The following SYTL2 variants were observed in gnomAD, a reference collection of about 807,000 sequenced individuals.
SYTL2 encodes synaptotagmin-like protein 2.
SYTL2 carries 165 observed loss-of-function variants against 198.7 expected under a neutral mutation model. The observed-to-expected ratio is 0.83, with a 90% confidence interval of 0.73 to 0.94. The LOEUF is 0.94. SYTL2 is among the 40% of genes least tolerant of loss of function. The probability of loss-of-function intolerance (pLI) is 0.00; values close to 1 mark genes in which losing one functional copy is unlikely to be tolerated. For synonymous variants in SYTL2, 966 were observed against 917.7 expected (o/e 1.05, Z -0.95); for missense variants, 2,835 against 2,582.8 (o/e 1.10, Z -2.12).
At chr11:85,745,288 C>T (rs1050219401) in intron 4 of SYTL2, among the ~76,000 whole-genome samples, 1 of 152,158 alleles carries the variant, frequency 6.6e-6, no homozygotes, top group Non-Finnish European at 1.5e-5. Flanking sequence ...TTTATCTTTT[C>T]CCTGAAATGA....
At chr11:85,790,026 A>G (rs904187878) in intron 1 of SYTL2, among the ~76,000 whole-genome samples, 2 of 152,148 alleles carry the variant, frequency 1.3e-5, no homozygotes, top group Admixed American at 6.5e-5. Flanking sequence ...TATATATAAG[A>G]TATCTTGGGG....
chr11:85,729,553 A>C (rs958418789), intron 7 of SYTL2, among the ~76,000 whole-genome samples: 3 of 152,228 alleles, frequency 2.0e-5, no homozygotes, highest in Admixed American at 2.0e-4. Context: ...GAGAATAAAG[A>C]CACAGCATTC....
intron 18 of SYTL2, among the ~76,000 whole-genome samples, chr11:85,696,869 G>C (rs1343037716): frequency 6.6e-6 from 1 of 152,102 alleles, no homozygotes; most frequent in Non-Finnish European, 1.5e-5. Context: ...GTGTTATACA[G>C]AATAGAAAAA....
chr11:85,725,664 AC>A lies in SYTL2; in HGVS notation c.3693del (p.Lys1231AsnfsTer23). On this transcript the variant is annotated frameshift_variant, in exon 8 of 20. Transcript: ENST00000359152. LOFTEE classifies it high-confidence loss of function. ...TGTSPSPLQA[K>X]LAPVITGTNS... ...TTGGTTCCAGTGATAACAGGCGCCA[AC>A]TTGGCTTGCAAGGGAGAGGGTGAAG... The A allele has an allele frequency of 6.2e-7, 1 of 1,614,068 alleles. No individual in the cohort carries two copies. The highest frequency in any genetic ancestry group is 8.5e-7 in the Non-Finnish European group (1 of 1,180,000).
intron 1 of SYTL2, among the ~76,000 whole-genome samples, chr11:85,787,945 T>C (rs1341325858): frequency 2.0e-5 from 3 of 152,060 alleles, no homozygotes; most frequent in Non-Finnish European, 4.4e-5. Flanking sequence ...TACCCAAGGG[T>C]GGTAACTTTT....
the SYTL2 span, chr11:85,854,302 AG>A: frequency 6.6e-6 from 1 of 151,364 alleles, no homozygotes; most frequent in African/African-American, 2.4e-5. Flanking sequence ...AAAAAAAAAA[AG>A]TTGTCCGTTC....
the SYTL2 span, among the ~76,000 whole-genome samples, chr11:85,851,219 G>T: frequency 1.3e-5 from 2 of 151,948 alleles, no homozygotes; most frequent in Non-Finnish European, 2.9e-5. Context: ...ATTTATTTTT[G>T]CAAAACATCT....
At chr11:85,761,897 G>C (rs2092105231) in intron 1 of SYTL2, among the ~76,000 whole-genome samples, 2 of 152,200 alleles carry the variant, frequency 1.3e-5, no homozygotes, top group African/African-American at 4.8e-5. Flanking sequence ...GGCTTCAAGT[G>C]ATCTGCCGGC....
rs2153460808 is a variant in SYTL2 at position 85,724,017 on chromosome 11, A to T, written c.5326+15T>A. 1 of 1,424,704 alleles carries T rather than the reference A, an allele frequency of 7.0e-7. No homozygotes were observed. The highest frequency in any genetic ancestry group is 9.2e-7 in the Non-Finnish European group (1 of 1,084,892). 88.3% of individuals were successfully genotyped at this position (1,424,704 alleles called of 1,614,324 possible). A position where few individuals can be genotyped will look rare whatever the true frequency, so the allele number is the denominator to read the frequency against. The stretch of plus-strand genomic sequence containing the variant: ...AAGCAGACTCACTGTGAGTTAAAAA[A>T]TTTTAAATGCTCACTGGAAGGATTT... On this transcript the variant is annotated intron_variant, in intron 8 of 19. Coordinates refer to ENST00000359152, the MANE Select transcript of SYTL2 (RefSeq NM_206927.4).
chr11:85,832,564 A>C, the SYTL2 span, among the ~76,000 whole-genome samples: 2 of 152,178 alleles, frequency 1.3e-5, no homozygotes, highest in Non-Finnish European at 1.5e-5. Flanking sequence ...AGTGTCATGA[A>C]TGCTATGAGA....
intron 2 of SYTL2, among the ~76,000 whole-genome samples, chr11:85,752,950 A>AAAAC (rs2091626385): frequency 7.0e-6 from 1 of 142,472 alleles, no homozygotes. Flanking sequence ...AAAAAAAAAA[A>AAAAC]ACACAACTAG....
chr11:85,787,433 G>C (rs2153613885), intron 1 of SYTL2, among the ~76,000 whole-genome samples: 1 of 152,276 alleles, frequency 6.6e-6, no homozygotes, highest in South Asian at 2.1e-4. Context: ...TAAGTAACCA[G>C]TGTTGTATTC....
intron 1 of SYTL2, among the ~76,000 whole-genome samples, chr11:85,795,944 T>G (rs2092797968): frequency 6.6e-6 from 1 of 152,190 alleles, no homozygotes. Flanking sequence ...TAAGCCATCA[T>G]CACCAGGGGA....
intron 2 of SYTL2, among the ~76,000 whole-genome samples, chr11:85,749,114 A>G (rs190779174): frequency 1.3e-3 from 191 of 152,326 alleles, no homozygotes; most frequent in African/African-American, 4.5e-3. Context: ...TAAGAGTTTC[A>G]CAATTATTCA....
chr11:85,803,444 T>C (rs2153653702), intron 1 of SYTL2, among the ~76,000 whole-genome samples: 1 of 152,336 alleles, frequency 6.6e-6, no homozygotes, highest in East Asian at 1.9e-4. Context: ...TGCTGCTTCA[T>C]AACTGCAGGA....
intron 4 of SYTL2, among the ~76,000 whole-genome samples, chr11:85,739,809 G>C (rs1390691626): frequency 6.6e-6 from 1 of 152,140 alleles, no homozygotes; most frequent in Non-Finnish European, 1.5e-5. Flanking sequence ...AGGTGTGTCT[G>C]ACTCCAAAGA....
At chr11:85,755,015 GAAC>G (rs985546771) in intron 2 of SYTL2, among the ~76,000 whole-genome samples, 3 of 151,958 alleles carry the variant, frequency 2.0e-5, no homozygotes, top group African/African-American at 7.2e-5. Flanking sequence ...GACTGATATG[GAAC>G]AACAACAAAA....
chr11:85,841,770 G>A, the SYTL2 span, among the ~76,000 whole-genome samples: 1 of 152,142 alleles, frequency 6.6e-6, no homozygotes, highest in African/African-American at 2.4e-5. Flanking sequence ...AAATCCCCAT[G>A]ACACAAGTTT....
chr11:85,807,496 G>C (rs1281352846), intron 1 of SYTL2, among the ~76,000 whole-genome samples: 1 of 152,218 alleles, frequency 6.6e-6, no homozygotes, highest in African/African-American at 2.4e-5. Context: ...AGTGAGGATA[G>C]AATTTGTTTA....
Sources: allele counts gnomAD v4.1 joint callset (sites outside exome capture counted in the v4.1 genomes callset), GRCh38; gene constraint gnomAD v4.1.1; transcripts MANE v1.5; gene names NCBI Gene and HGNC (gene_info 2026-07-23, HGNC 2026-07-21).